The following EPB41L4A variants were observed in gnomAD, a reference collection of about 807,000 sequenced individuals.
EPB41L4A encodes erythrocyte membrane protein band 4.1 like 4A.
In EPB41L4A, 100 loss-of-function variants were observed where a neutral mutation model predicts 108.6. The observed-to-expected ratio is 0.92, with a 90% CI of 0.78 to 1.09. EPB41L4A has a LOEUF of 1.09. Ranked by LOEUF, EPB41L4A falls within the 50% of genes least tolerant of loss-of-function variation. EPB41L4A has a pLI of 0.00. For missense variants in EPB41L4A, 1,030 were observed against 842.7 expected, an observed-to-expected ratio of 1.22 and a Z score of -2.75; for synonymous variants, 319 against 289.0, an observed-to-expected ratio of 1.10 and a Z score of -1.05.
At chr5:112,274,927 C>G (rs1224473434) in intron 4 of EPB41L4A, among the ~76,000 whole-genome samples, 1 of 152,146 alleles carries the variant, frequency 6.6e-6, no homozygotes, top group East Asian at 1.9e-4. Flanking sequence ...AATATTTAAG[C>G]TACAACCAAT....
At chr5:112,259,174 A>G (rs935435501) in intron 9 of EPB41L4A, 55 bp downstream of exon 9, 18 of 1,347,000 alleles carry the variant, frequency 1.3e-5, no homozygotes, top group Non-Finnish European at 1.8e-5. Flanking sequence ...TTAAGCTACA[A>G]ATGAACACAC....
intron 1 of EPB41L4A, among the ~76,000 whole-genome samples, chr5:112,387,759 A>T (rs933698365): frequency 6.6e-6 from 1 of 152,224 alleles, no homozygotes; most frequent in Non-Finnish European, 1.5e-5. Flanking sequence ...TCAAATATAC[A>T]TTATCTGTAA....
At chr5:112,378,725 A>G (rs1176768018) in intron 1 of EPB41L4A, among the ~76,000 whole-genome samples, 1 of 152,196 alleles carries the variant, frequency 6.6e-6, no homozygotes, top group African/African-American at 2.4e-5. Context: ...GTCTTCTTCT[A>G]GTTCAAGTAC....
At chr5:112,282,582 T>C (rs57189754) in intron 2 of EPB41L4A, among the ~76,000 whole-genome samples, 6,992 of 152,230 alleles carry the variant, frequency 0.046, 592 homozygotes, top group East Asian at 0.36. Context: ...GGAGAGCTGG[T>C]TGGTTAGGGG....
chr5:112,204,395 A>G lies in EPB41L4A; in HGVS notation c.1356T>C (p.Ser452=), dbSNP rs6865673. The G allele has an allele frequency of 9.2e-5, 149 of 1,613,246 alleles. No homozygotes were observed. Among genetic ancestry groups the G allele is most frequent in the Non-Finnish European group, 7.0e-5 (82 of 1,179,364 alleles). The change falls in exon 15 of 23, where the codon TCT becomes TCC. Residue 452 remains serine, a synonymous_variant. Coordinates refer to ENST00000261486, the MANE Select transcript of EPB41L4A (RefSeq NM_022140.5). ...CTTACCTCCTCCTCACAGGCTGTAC[A>G]GAATCATTGTCACTTCCACAGGAGG... ...RNPSCGSDND[S]VQPVRRRKAH...
At chr5:112,390,745 C>T (rs1336762134) in intron 1 of EPB41L4A, among the ~76,000 whole-genome samples, 1 of 152,212 alleles carries the variant, frequency 6.6e-6, no homozygotes, top group Admixed American at 6.5e-5. Context: ...ACTGCCTCCT[C>T]AAGTGGATCC....
intron 12 of EPB41L4A, among the ~76,000 whole-genome samples, chr5:112,226,300 T>C (rs1021504345): frequency 5.3e-5 from 8 of 152,234 alleles, no homozygotes; most frequent in Non-Finnish European, 1.2e-4. Flanking sequence ...AATATCTTCC[T>C]GGACAAACTC....
At chr5:112,317,026 A>G (rs1365587955) in intron 1 of EPB41L4A, among the ~76,000 whole-genome samples, 1 of 152,194 alleles carries the variant, frequency 6.6e-6, no homozygotes, top group African/African-American at 2.4e-5. Context: ...GCTACACTCT[A>G]TTGATCAAAG....
At chr5:112,186,639 G>GT (rs1761441496) in intron 17 of EPB41L4A, among the ~76,000 whole-genome samples, 1 of 152,204 alleles carries the variant, frequency 6.6e-6, no homozygotes, top group African/African-American at 2.4e-5. Flanking sequence ...CATTAAAAAT[G>GT]TAAGAGCCTT....
intron 17 of EPB41L4A, among the ~76,000 whole-genome samples, chr5:112,188,507 T>A (rs1359836898): frequency 1.3e-5 from 2 of 152,222 alleles, no homozygotes; most frequent in Non-Finnish European, 2.9e-5. Context: ...ACAGCATTCC[T>A]CAGTTGCTGC....
chr5:112,334,576 C>A (rs1756797039), intron 1 of EPB41L4A, among the ~76,000 whole-genome samples: 1 of 152,178 alleles, frequency 6.6e-6, no homozygotes, highest in Admixed American at 6.5e-5. Context: ...TGTCTACCAA[C>A]TGCCAGTCAG....
chr5:112,142,547 G>T (rs370328781), exon 14 of EPB41L4A: 1 of 152,122 alleles, frequency 6.6e-6, no homozygotes, highest in Non-Finnish European at 1.5e-5. Context: ...TTACAACAAA[G>T]AACTTTTTTA....
chr5:112,214,478 G>C (rs1227621950), intron 12 of EPB41L4A, among the ~76,000 whole-genome samples: 1 of 152,122 alleles, frequency 6.6e-6, no homozygotes, highest in Admixed American at 6.5e-5. Flanking sequence ...AAAACACAGA[G>C]GGCAGCCGGG....
intron 1 of EPB41L4A, among the ~76,000 whole-genome samples, chr5:112,393,600 T>C (rs879962233): frequency 6.6e-6 from 1 of 152,096 alleles, no homozygotes; most frequent in Non-Finnish European, 1.5e-5. Context: ...CAATAATTAA[T>C]AACCTATCAA....
At chr5:112,185,914 G>T (rs1372370389) in intron 17 of EPB41L4A, among the ~76,000 whole-genome samples, 1 of 152,132 alleles carries the variant, frequency 6.6e-6, no homozygotes, top group Non-Finnish European at 1.5e-5. Context: ...TCATGTGACA[G>T]TCAGAAACCC....
rs1188888528 is a variant in EPB41L4A at position 112,229,985 on chromosome 5, C to T, written c.1087+4649G>A. 2.3e-4 allele frequency among the ~76,000 whole-genome samples: 29 copies of T among 124,802 alleles called. No homozygotes were observed. The East Asian group carries it at 5.5e-3, about 24-fold the overall frequency. The allele number at this position is 124,802 out of a possible 152,430, so 81.9% of individuals were successfully genotyped here. A position where few individuals can be genotyped will look rare whatever the true frequency, so the allele number is the denominator to read the frequency against. On this transcript the variant is annotated intron_variant, in intron 12 of 22. Coordinates refer to ENST00000261486, the MANE Select transcript of EPB41L4A (RefSeq NM_022140.5). The stretch of plus-strand genomic sequence containing the variant: ...CCTGGGAGGCAGAGCTAGACTCTGT[C>T]TCAAAAAAAAAAAAAAAAAGAATAA...
chr5:112,346,331 T>C (rs1757674642), intron 1 of EPB41L4A, among the ~76,000 whole-genome samples: 1 of 149,598 alleles, frequency 6.7e-6, no homozygotes, highest in Non-Finnish European at 1.5e-5. Context: ...GTTCAAGCGA[T>C]TCTCCTGCCT....
At chr5:112,238,174 T>C (rs1433133418) in intron 11 of EPB41L4A, among the ~76,000 whole-genome samples, 1 of 152,146 alleles carries the variant, frequency 6.6e-6, no homozygotes, top group Non-Finnish European at 1.5e-5. Context: ...GGAGACATTC[T>C]CTCTATAATC....
intron 17 of EPB41L4A, among the ~76,000 whole-genome samples, chr5:112,191,314 G>A (rs1468348333): frequency 1.3e-5 from 2 of 152,198 alleles, no homozygotes; most frequent in Non-Finnish European, 2.9e-5. Context: ...CTTACACACA[G>A]AGCCTTGTTA....
Sources: gnomAD v4.1 joint callset for allele counts (sites outside exome capture counted in the v4.1 genomes callset) on GRCh38, gnomAD v4.1.1 for gene constraint, MANE v1.5 for transcripts, NCBI Gene and HGNC (gene_info 2026-07-23, HGNC 2026-07-21) for gene names.